LRFN2: variants seen among roughly 807,000 people sequenced by gnomAD.
The protein encoded by LRFN2 is leucine rich repeat and fibronectin type III domain containing 2.
LRFN2 carries 18 observed loss-of-function variants against 37.3 expected under a neutral mutation model. The ratio of observed to expected loss-of-function variants is 0.48; its 90% confidence interval spans 0.33 to 0.72. The LOEUF (loss-of-function observed/expected upper bound fraction) is 0.72. LRFN2 is among the 30% of genes least tolerant of loss of function. The probability of loss-of-function intolerance (pLI) is 0.02; values close to 1 mark genes in which losing one functional copy is unlikely to be tolerated. For synonymous variants in LRFN2, 556 were observed against 466.6 expected (o/e 1.19, Z -2.47); for missense variants, 1,006 against 1,060.7 (o/e 0.95, Z 0.72).
At chr6:40,486,955 A>G (rs537917272) in intron 1 of LRFN2, among the ~76,000 whole-genome samples, 1 of 152,290 alleles carries the variant, frequency 6.6e-6, no homozygotes, top group Admixed American at 6.5e-5. Flanking sequence ...CTAGGTGTTC[A>G]CAGGTTTTAT....
intron 1 of LRFN2, among the ~76,000 whole-genome samples, chr6:40,562,829 ACT>A (rs1218405487): frequency 1.0e-3 from 147 of 143,284 alleles, no homozygotes; most frequent in Non-Finnish European, 1.1e-3. Flanking sequence ...ATGTGCGTGC[ACT>A]CACTCACACA....
At chr6:40,475,486 G>C (rs940653934) in intron 1 of LRFN2, among the ~76,000 whole-genome samples, 1 of 152,172 alleles carries the variant, frequency 6.6e-6, no homozygotes, top group African/African-American at 2.4e-5. Context: ...GGTGTCATGA[G>C]ATGTGTGCTC....
intron 2 of LRFN2, among the ~76,000 whole-genome samples, chr6:40,399,222 A>G (rs1408061276): frequency 2.0e-5 from 3 of 151,612 alleles, no homozygotes; most frequent in Admixed American, 1.3e-4. Context: ...TGGTCATGCC[A>G]TCTCCTCCTG....
chr6:40,410,179 C>T (rs1293516095), intron 2 of LRFN2, among the ~76,000 whole-genome samples: 1 of 152,120 alleles, frequency 6.6e-6, no homozygotes, highest in Non-Finnish European at 1.5e-5. Flanking sequence ...AGAGCCGTCC[C>T]CACCCACCAG....
At chr6:40,408,617 C>T (rs1414606736) in intron 2 of LRFN2, among the ~76,000 whole-genome samples, 1 of 152,208 alleles carries the variant, frequency 6.6e-6, no homozygotes, top group Admixed American at 6.5e-5. Context: ...CCTGCTCTAG[C>T]AATGACTAGC....
At chr6:40,439,484 A>C (rs1220558665) in intron 1 of LRFN2, among the ~76,000 whole-genome samples, 7 of 152,158 alleles carry the variant, frequency 4.6e-5, no homozygotes, top group Non-Finnish European at 2.9e-5. Flanking sequence ...CTTGAGTTCC[A>C]CTTGTATGGG....
intron 1 of LRFN2, among the ~76,000 whole-genome samples, chr6:40,489,521 G>A (rs560956677): frequency 6.6e-5 from 10 of 152,244 alleles, no homozygotes; most frequent in South Asian, 2.1e-4. Context: ...AGGTGGCAGC[G>A]TCTGGGACAC....
intron 2 of LRFN2, among the ~76,000 whole-genome samples, chr6:40,425,875 T>A (rs1196444553): frequency 6.6e-6 from 1 of 152,218 alleles, no homozygotes; most frequent in Non-Finnish European, 1.5e-5. Context: ...TCAAATCTGG[T>A]CTGAGTTATC....
intron 1 of LRFN2, among the ~76,000 whole-genome samples, chr6:40,473,485 G>C (rs1474041015): frequency 6.6e-6 from 1 of 152,146 alleles, no homozygotes; most frequent in Non-Finnish European, 1.5e-5. Flanking sequence ...TCTTCCAGAG[G>C]ACAAGGCATG....
At chr6:40,526,958 A>T (rs924550247) in intron 1 of LRFN2, among the ~76,000 whole-genome samples, 1 of 152,142 alleles carries the variant, frequency 6.6e-6, no homozygotes, top group African/African-American at 2.4e-5. Flanking sequence ...GGTGACCTCA[A>T]AGGGACTGAG....
At chr6:40,454,558 C>T (rs1199834299) in intron 1 of LRFN2, among the ~76,000 whole-genome samples, 1 of 152,168 alleles carries the variant, frequency 6.6e-6, no homozygotes, top group Non-Finnish European at 1.5e-5. Flanking sequence ...ACCCTCAAAT[C>T]ATTTGTGATT....
chr6:40,520,757 C>T (rs1766038285), intron 1 of LRFN2, among the ~76,000 whole-genome samples: 1 of 152,110 alleles, frequency 6.6e-6, no homozygotes, highest in Non-Finnish European at 1.5e-5. Flanking sequence ...TTAGACCTGT[C>T]CCCCTCTGCC....
chr6:40,429,281 C>G (rs1220474091), intron 2 of LRFN2, among the ~76,000 whole-genome samples: 9 of 152,234 alleles, frequency 5.9e-5, no homozygotes. Context: ...CTCCCAGTAT[C>G]TTTGAGACCC....
intron 1 of LRFN2, among the ~76,000 whole-genome samples, chr6:40,526,269 G>T (rs1375991159): frequency 6.6e-6 from 1 of 152,220 alleles, no homozygotes; most frequent in Non-Finnish European, 1.5e-5. Flanking sequence ...TACCCAGTGA[G>T]CAAAAAGGTC....
intron 1 of LRFN2, among the ~76,000 whole-genome samples, chr6:40,510,696 T>C (rs895441311): frequency 3.9e-5 from 6 of 152,270 alleles, no homozygotes; most frequent in African/African-American, 7.2e-5. Context: ...CTGGACAACA[T>C]GCCAGAGGAA....
chr6:40,562,455 G>C (rs1767015749), intron 1 of LRFN2, among the ~76,000 whole-genome samples: 1 of 152,008 alleles, frequency 6.6e-6, no homozygotes, highest in Non-Finnish European at 1.5e-5. Flanking sequence ...GGGCAGTGAA[G>C]AGCAAAGGGA....
At chr6:40,503,580 G>A (rs369973465) in intron 1 of LRFN2, among the ~76,000 whole-genome samples, 1 of 152,184 alleles carries the variant, frequency 6.6e-6, no homozygotes, top group East Asian at 1.9e-4. Context: ...GTGCAGATCG[G>A]AGCTCAAGAG....
chr6:40,392,401 C>A lies in LRFN2; in HGVS notation c.1912G>T (p.Ala638Ser), dbSNP rs1046640110. The A allele has an allele frequency of 6.4e-7, 1 of 1,573,292 alleles. No homozygotes were observed. The highest frequency in any genetic ancestry group is 8.6e-7 in the Non-Finnish European group (1 of 1,159,620). ...GSGEAAGLGR[A>S]PWRIPPSAPR... Reference sequence around the variant, plus strand: ...GCGGAGGGTGGGATCCTCCAGGGGGCCCGTCCCAGCCCCGCAGCCTCCCCA... The same window carrying A: ...GCGGAGGGTGGGATCCTCCAGGGGGACCGTCCCAGCCCCGCAGCCTCCCCA... Residue 638 changes from alanine (A) to serine (S), a missense_variant, in exon 3 of 3, where the codon GCC becomes TCC. Physicochemically the swap from Ala to Ser is moderately conservative, Grantham distance 99. Coordinates refer to ENST00000338305, the MANE Select transcript of LRFN2 (RefSeq NM_020737.3). This position sits in a 1 kb window ranked among gnomAD's most constrained non-coding sequence, Gnocchi z 4.7.
intron 1 of LRFN2, among the ~76,000 whole-genome samples, chr6:40,500,420 C>T (rs1441142629): frequency 3.3e-5 from 5 of 152,248 alleles, no homozygotes; most frequent in Non-Finnish European, 5.9e-5. Context: ...GGGCAGGCGG[C>T]TAATAGCTTG....
Sources: gnomAD v4.1 joint callset for allele counts (sites outside exome capture counted in the v4.1 genomes callset) on GRCh38, gnomAD v4.1.1 for gene constraint, Gnocchi (gnomAD v3.1) non-coding constraint, MANE v1.5 for transcripts, NCBI Gene and HGNC (gene_info 2026-07-23, HGNC 2026-07-21) for gene names.